Variants in SCMH1 observed in about 807,000 individuals in gnomAD.
SCMH1 encodes Scm polycomb group protein homolog 1, also known as polycomb protein SCMH1.
Under a neutral mutation model 70.8 loss-of-function variants are expected in SCMH1, and 37 were observed. The observed-to-expected ratio is 0.52, with a 90% confidence interval of 0.40 to 0.69. The LOEUF (loss-of-function observed/expected upper bound fraction) is 0.69, where lower values mean the gene tolerates loss of function less well. SCMH1 is among the 30% of genes least tolerant of loss of function. The pLI is 0.00. For synonymous variants in SCMH1, 292 were observed against 307.4 expected, an observed-to-expected ratio of 0.95 and a Z score of 0.52; for missense variants, 607 against 827.3, an observed-to-expected ratio of 0.73 and a Z score of 3.27.
intron 5 of SCMH1, among the ~76,000 whole-genome samples, chr1:41,149,068 G>A (rs1242279777): frequency 1.3e-5 from 2 of 152,096 alleles, no homozygotes; most frequent in Non-Finnish European, 2.9e-5. Context: ...TGGGATTACA[G>A]GCCTGAGACA....
At chr1:41,224,195 A>G (rs1396125874) in intron 1 of SCMH1, among the ~76,000 whole-genome samples, 1 of 152,170 alleles carries the variant, frequency 6.6e-6, no homozygotes, top group Non-Finnish European at 1.5e-5. Context: ...TCTCAGACAA[A>G]ATCATTATCT....
intron 6 of SCMH1, among the ~76,000 whole-genome samples, chr1:41,140,528 C>T (rs574896448): frequency 6.6e-6 from 1 of 152,096 alleles, no homozygotes; most frequent in South Asian, 2.1e-4. Context: ...CCTGACCTTG[C>T]GATCTGCCCG....
chr1:41,070,558 G>T (rs1161276151), intron 10 of SCMH1, 37 bp downstream of exon 10: 1 of 1,613,202 alleles, frequency 6.2e-7, no homozygotes, highest in East Asian at 2.2e-5. Context: ...ACTAGGTCTG[G>T]GGCTTGTGCG....
intron 1 of SCMH1, among the ~76,000 whole-genome samples, chr1:41,234,235 C>G (rs11585506): frequency 0.25 from 37,649 of 151,960 alleles, 5,255 homozygotes; most frequent in Non-Finnish European, 0.31. Flanking sequence ...AGGAGTTTGA[C>G]AACAGCCTGA....
intron 8 of SCMH1, among the ~76,000 whole-genome samples, chr1:41,088,834 T>C (rs1216641466): frequency 2.6e-5 from 4 of 152,212 alleles, no homozygotes; most frequent in Non-Finnish European, 5.9e-5. Flanking sequence ...ATGTGTATTA[T>C]AGGATGTTGG....
At chr1:41,151,579 T>C (rs1181783747) in intron 5 of SCMH1, 35 bp downstream of exon 5, 7 of 1,547,966 alleles carry the variant, frequency 4.5e-6, no homozygotes, top group Middle Eastern at 1.7e-4. Flanking sequence ...AAATGACTTA[T>C]CTTCCACCTA....
intron 6 of SCMH1, among the ~76,000 whole-genome samples, chr1:41,132,299 T>C (rs1197991034): frequency 1.3e-5 from 2 of 152,216 alleles, no homozygotes; most frequent in East Asian, 3.9e-4. Context: ...TAATGACCAG[T>C]GATGATGAGC....
At chr1:41,139,343 A>G (rs186971981) in intron 6 of SCMH1, among the ~76,000 whole-genome samples, 7 of 152,198 alleles carry the variant, frequency 4.6e-5, no homozygotes, top group East Asian at 3.9e-4. Flanking sequence ...TTCGTTATGT[A>G]TGGTCTGGTA....
chr1:41,185,992 A>G (rs1351409311), intron 2 of SCMH1, 129 bp downstream of exon 2: 2 of 970,848 alleles, frequency 2.1e-6, no homozygotes. Context: ...CCAATGACAA[A>G]AATGACATCA....
intron 6 of SCMH1, among the ~76,000 whole-genome samples, chr1:41,130,283 C>T (rs1320307979): frequency 2.0e-5 from 3 of 151,972 alleles, no homozygotes; most frequent in Non-Finnish European, 2.9e-5. Context: ...GAATATTAAC[C>T]CCTTATCAGA....
intron 1 of SCMH1, among the ~76,000 whole-genome samples, chr1:41,220,842 T>C (rs1283059520): frequency 6.6e-6 from 1 of 152,216 alleles, no homozygotes; most frequent in East Asian, 1.9e-4. Context: ...CTCAGTCCTT[T>C]TCCAATGCCA....
intron 4 of SCMH1, among the ~76,000 whole-genome samples, chr1:41,157,952 A>G (rs1645691528): frequency 6.6e-6 from 1 of 152,224 alleles, no homozygotes; most frequent in Admixed American, 6.5e-5. Context: ...GAGGCTCAAT[A>G]TGAGTTTCTG....
At chr1:41,072,485 G>A (rs1280537271) in intron 9 of SCMH1, among the ~76,000 whole-genome samples, 1 of 152,206 alleles carries the variant, frequency 6.6e-6, no homozygotes, top group Non-Finnish European at 1.5e-5. Flanking sequence ...AGTCACACAG[G>A]TGGTAACATA....
In SCMH1 at chr1:41,113,310, C is replaced by T; in HGVS notation, c.718G>A (p.Asp240Asn). 6.2e-7 allele frequency: 1 copy of T among 1,613,758 alleles called. No individual in the cohort carries two copies. The highest frequency in any genetic ancestry group is 8.5e-7 in the Non-Finnish European group (1 of 1,179,912). Residue 240 changes from aspartate to asparagine, a missense_variant, in exon 8 of 15, where the codon GAC (aspartate) becomes AAC (asparagine). Around this residue, in one of 3 missense-constraint regions of SCMH1, gnomAD observed 430 missense variants for 528.2 expected, o/e 0.81. Coordinates refer to ENST00000337495, the Ensembl canonical transcript of SCMH1. The surrounding 1 kb of genome is among the most constrained non-coding windows in gnomAD (Gnocchi z 4.3). ...TTGGTGCCAGGAGGCTGCAGGTTGT[C>T]TCCAGTCAAGGAACACCAGCCCACA...
intron 1 of SCMH1, among the ~76,000 whole-genome samples, chr1:41,214,538 T>C (rs1172014276): frequency 6.6e-6 from 1 of 152,152 alleles, no homozygotes. Context: ...CCTTGAATAG[T>C]AGTTATTTAA....
chr1:41,117,485 C>T (rs1670780130), intron 6 of SCMH1, among the ~76,000 whole-genome samples: 1 of 151,152 alleles, frequency 6.6e-6, no homozygotes, highest in Admixed American at 6.6e-5. Context: ...TACTTAGAGA[C>T]CGGGAAAGGG....
At chr1:41,150,523 A>C (rs1644974155) in intron 5 of SCMH1, among the ~76,000 whole-genome samples, 1 of 152,154 alleles carries the variant, frequency 6.6e-6, no homozygotes, top group Non-Finnish European at 1.5e-5. Flanking sequence ...AAAACAAAAC[A>C]AACCATTATT....
chr1:41,200,516 T>C (rs560899261), intron 1 of SCMH1, among the ~76,000 whole-genome samples: 1 of 145,918 alleles, frequency 6.9e-6, no homozygotes, highest in Admixed American at 6.9e-5. Flanking sequence ...ATAATAATAA[T>C]ATAATAATAA....
intron 2 of SCMH1, among the ~76,000 whole-genome samples, chr1:41,163,828 A>T (rs1453316551): frequency 1.3e-5 from 2 of 152,214 alleles, no homozygotes; most frequent in East Asian, 3.8e-4. Context: ...TATCATTAGA[A>T]AAAAACATAT....
Sources: allele counts gnomAD v4.1 joint callset (sites outside exome capture counted in the v4.1 genomes callset), GRCh38; gene constraint gnomAD v4.1.1; regional missense constraint gnomAD v4.1.1; non-coding constraint Gnocchi (gnomAD v3.1); transcripts MANE v1.5; gene names NCBI Gene and HGNC (gene_info 2026-07-23, HGNC 2026-07-21).